Variants in CHL1 observed in about 807,000 individuals in gnomAD.
CHL1 encodes neural cell adhesion molecule L1-like protein.
In CHL1, 96 loss-of-function variants were observed where a neutral mutation model predicts 141.9. That is an observed-to-expected ratio of 0.68 (90% CI 0.57 to 0.80). CHL1 has a LOEUF of 0.80. Among genes scored for constraint, CHL1 ranks in the 30% least tolerant of loss-of-function variants. The pLI is 0.00. For missense variants in CHL1, 1,820 were observed against 1,457.2 expected, an observed-to-expected ratio of 1.25 and a Z score of -4.05; for synonymous variants, 613 against 502.2, an observed-to-expected ratio of 1.22 and a Z score of -2.95.
At position 316,071 on chromosome 3, in the gene CHL1, C is replaced by T. The variant is rs554231962; in HGVS notation, c.-94-3612C>T. ...TGTGCAGAAAAGGCTTGCCACCCTA[C>T]TCTTATTACCCTAATCTTATGTGAA... On this transcript the variant is annotated intron_variant, in intron 2 of 27. Transcript: ENST00000256509. 2.0e-5 allele frequency among the ~76,000 whole-genome samples: 3 copies of T among 152,138 alleles called. No individual in the cohort carries two copies. In the East Asian group the frequency reaches 5.8e-4, roughly 30 times the overall value.
intron 1 of CHL1, among the ~76,000 whole-genome samples, chr3:228,957 C>T (rs1701624238): frequency 6.6e-6 from 1 of 152,144 alleles, no homozygotes; most frequent in Non-Finnish European, 1.5e-5. Flanking sequence ...TCTTTAGATT[C>T]TCATGGGATC....
At position 401,705 on chromosome 3, in the gene CHL1, A is replaced by G. The variant is rs374658360; in HGVS notation, c.3458+7A>G. ...AAACCTTTGGTGAATACAGGTAAAC[A>G]TAAGGTTCTGTTGTAAAATAAAACA... On this transcript the variant is annotated splice_region_variant and intron_variant, in intron 27 of 27. Coordinates refer to ENST00000256509, the MANE Select transcript of CHL1 (RefSeq NM_006614.4). 5.3e-6 allele frequency: 8 copies of G among 1,517,986 alleles called. No individual in the cohort carries two copies. Among genetic ancestry groups the G allele is most frequent in the East Asian group, 2.3e-5 (1 of 43,752 alleles). The allele number at this position is 1,517,986 out of a possible 1,614,324, so 94.0% of individuals were successfully genotyped here.
At position 257,353 on chromosome 3, in the gene CHL1, C is replaced by CTT. The variant is rs35247275; in HGVS notation, c.-95+12676_-95+12677dup. 3.3e-3 allele frequency among the ~76,000 whole-genome samples: 458 copies of CTT among 137,138 alleles called. 5 individuals carry two copies. Among genetic ancestry groups the CTT allele is most frequent in the African/African-American group, 0.011 (399 of 36,594 alleles). 90.0% of individuals were successfully genotyped at this position (137,138 alleles called of 152,430 possible). The stretch of plus-strand genomic sequence containing the variant: ...CATCTCCTTTTCTTCTTTTCTTCTT[C>CTT]TTTTTTTTTTTTTTTTGTGAGACAG... On this transcript the variant is annotated intron_variant, in intron 2 of 27. Coordinates refer to ENST00000256509, the MANE Select transcript of CHL1 (RefSeq NM_006614.4).
At chr3:271,839 A>G (rs1423657766) in intron 2 of CHL1, among the ~76,000 whole-genome samples, 2 of 152,216 alleles carry the variant, frequency 1.3e-5, no homozygotes, top group Middle Eastern at 3.2e-3. Context: ...TCTTCCATTT[A>G]ATACACATGT....
intron 2 of CHL1, among the ~76,000 whole-genome samples, chr3:262,645 G>T (rs1370755179): frequency 6.6e-6 from 1 of 152,226 alleles, no homozygotes; most frequent in African/African-American, 2.4e-5. Context: ...ACAACAGGGA[G>T]TGGTAAGGCC....
At chr3:204,843 T>C (rs1381345844) in intron 1 of CHL1, among the ~76,000 whole-genome samples, 2 of 152,210 alleles carry the variant, frequency 1.3e-5, no homozygotes, top group East Asian at 1.9e-4. Context: ...GTGTGCTTTA[T>C]GCTTTTTAGA....
intron 12 of CHL1, among the ~76,000 whole-genome samples, chr3:360,846 G>GT (rs1438676417): frequency 1.4e-5 from 2 of 147,154 alleles, no homozygotes; most frequent in East Asian, 2.0e-4. Flanking sequence ...GCAGTGTTTG[G>GT]TTTTTTGTTC....
chr3:257,544 G>T (rs1011607327), intron 2 of CHL1, among the ~76,000 whole-genome samples: 5 of 151,804 alleles, frequency 3.3e-5, no homozygotes, highest in Admixed American at 2.6e-4. Flanking sequence ...GTAGAGATGG[G>T]GTTTCACCAT....
At chr3:256,168 A>G (rs1404803339) in intron 2 of CHL1, among the ~76,000 whole-genome samples, 2 of 133,468 alleles carry the variant, frequency 1.5e-5, no homozygotes, top group African/African-American at 5.4e-5. Context: ...TGTGCCTGAC[A>G]AAGAGATGAA....
intron 27 of CHL1, among the ~76,000 whole-genome samples, chr3:404,141 C>G (rs1018440733): frequency 1.3e-5 from 2 of 152,186 alleles, no homozygotes; most frequent in Non-Finnish European, 2.9e-5. Flanking sequence ...AGGCTCCCCA[C>G]AGCAGGGAAA....
intron 13 of CHL1, 67 bp from the exon 14 acceptor site, chr3:363,150 A>G (rs2125275882): frequency 7.5e-7 from 1 of 1,331,844 alleles, no homozygotes; most frequent in Non-Finnish European, 1.0e-6. Context: ...GACGTCACTG[A>G]CTAGTATTAA....
At chr3:197,528 C>T (rs1426170810) in intron 1 of CHL1, 1 of 240,030 alleles carries the variant, frequency 4.2e-6, no homozygotes, top group Non-Finnish European at 8.7e-6. Context: ...CCACCGCGCC[C>T]CTCGCTCCCC....
At chr3:239,344 A>G (rs1230151714) in intron 1 of CHL1, among the ~76,000 whole-genome samples, 1 of 152,162 alleles carries the variant, frequency 6.6e-6, no homozygotes, top group Non-Finnish European at 1.5e-5. Flanking sequence ...CTAAAAGGCT[A>G]CTTGATTAGC....
intron 23 of CHL1, 52 bp from the exon 24 acceptor site, chr3:394,641 C>A: frequency 7.8e-7 from 1 of 1,289,112 alleles, no homozygotes; most frequent in Non-Finnish European, 1.1e-6. Context: ...ATGAAGAATG[C>A]AACTTGAATG....
chr3:284,293 AAAAC>A (rs1402735729), intron 2 of CHL1, among the ~76,000 whole-genome samples: 4 of 152,352 alleles, frequency 2.6e-5, no homozygotes, highest in African/African-American at 4.8e-5. Flanking sequence ...TAATAAGAGG[AAAAC>A]AAACAAAGAT....
rs71058760 is a variant in CHL1 at position 252,361 on chromosome 3, GATATATATATATATATATATATAT to G, written c.-95+7686_-95+7709del. On this transcript the variant is annotated intron_variant, in intron 2 of 27. Coordinates refer to ENST00000256509, the MANE Select transcript of CHL1 (RefSeq NM_006614.4). ...AGCCACAGATTTAAGAAAGCATCCA[GATATATATATATATATATATATAT>G]ATATATATATATATATTTCTATTTT... Among the ~76,000 whole-genome samples the G allele has an allele frequency of 1.2e-3, 65 of 54,290 alleles. 1 individual carries two copies. The highest frequency in any genetic ancestry group is 4.6e-3 in the Admixed American group (17 of 3,706). 35.6% of individuals were successfully genotyped at this position (54,290 alleles called of 152,430 possible).
chr3:340,947 G>A (rs777240800), intron 6 of CHL1, 31 bp downstream of exon 6: 1 of 1,591,848 alleles, frequency 6.3e-7, no homozygotes, highest in South Asian at 1.2e-5. Context: ...TCAAAAAAGG[G>A]GGACATTTTA....
chr3:314,325 A>G (rs866140295), intron 2 of CHL1, among the ~76,000 whole-genome samples: 2 of 55,200 alleles, frequency 3.6e-5, no homozygotes, highest in South Asian at 5.9e-4. Flanking sequence ...CTCTCTCTCT[A>G]TGTGTATATA....
At chr3:257,534 G>A (rs1259813279) in intron 2 of CHL1, among the ~76,000 whole-genome samples, 1 of 151,870 alleles carries the variant, frequency 6.6e-6, no homozygotes, top group Non-Finnish European at 1.5e-5. Flanking sequence ...TGCATTTTTA[G>A]TAGAGATGGG....
Sources: allele counts gnomAD v4.1 joint callset (sites outside exome capture counted in the v4.1 genomes callset), GRCh38; gene constraint gnomAD v4.1.1; transcripts MANE v1.5; gene names NCBI Gene and HGNC (gene_info 2026-07-23, HGNC 2026-07-21).